Variants in PDSS1 observed in about 807,000 individuals in gnomAD.
The protein encoded by PDSS1 is all trans-polyprenyl-diphosphate synthase PDSS1.
Under a neutral mutation model 57.5 loss-of-function variants are expected in PDSS1, and 43 were observed. That is an observed-to-expected ratio of 0.75 (90% confidence interval 0.59 to 0.96). PDSS1 has a LOEUF of 0.96. Among genes scored for constraint, PDSS1 ranks in the 50% least tolerant of loss-of-function variants. The pLI is 0.00. For missense variants in PDSS1, 438 were observed against 527.8 expected, an observed-to-expected ratio of 0.83 and a Z score of 1.67; for synonymous variants, 175 against 191.3, an observed-to-expected ratio of 0.91 and a Z score of 0.70.
chr10:26,698,744 A>G (rs1834955572), intron 1 of PDSS1, among the ~76,000 whole-genome samples: 1 of 152,228 alleles, frequency 6.6e-6, no homozygotes, highest in African/African-American at 2.4e-5. Flanking sequence ...CCGTGTTCTC[A>G]TCAAACATCA....
chr10:26,745,301 T>G (rs1409201860), intron 11 of PDSS1, among the ~76,000 whole-genome samples: 3 of 152,228 alleles, frequency 2.0e-5, no homozygotes, highest in Non-Finnish European at 4.4e-5. Flanking sequence ...GTATTTGGCT[T>G]TTAGAAAGAA....
chr10:26,722,038 C>A (rs533926178), intron 6 of PDSS1, among the ~76,000 whole-genome samples: 4 of 152,182 alleles, frequency 2.6e-5, no homozygotes, highest in Non-Finnish European at 5.9e-5. Flanking sequence ...TTTCCTTTAA[C>A]TCCCACCCCT....
intron 8 of PDSS1, among the ~76,000 whole-genome samples, chr10:26,727,059 C>CAAAA (rs146269922): frequency 1.0e-3 from 68 of 66,122 alleles, no homozygotes; most frequent in African/African-American, 3.0e-3. Flanking sequence ...GAGAGTCTCT[C>CAAAA]AAAAAAAAAA....
At chr10:26,713,432 T>A (rs1835460250) in intron 5 of PDSS1, among the ~76,000 whole-genome samples, 1 of 152,200 alleles carries the variant, frequency 6.6e-6, no homozygotes, top group Non-Finnish European at 1.5e-5. Context: ...TATTTTCCTT[T>A]ATTAAGCTTT....
intron 4 of PDSS1, among the ~76,000 whole-genome samples, chr10:26,707,036 GT>G (rs936212137): frequency 4.6e-5 from 7 of 152,098 alleles, no homozygotes; most frequent in Non-Finnish European, 8.8e-5. Flanking sequence ...TGGAATTTGG[GT>G]TTTAGATGTT....
chr10:26,718,715 C>G (rs1411106679), intron 5 of PDSS1: 1 of 142,006 alleles, frequency 7.0e-6, no homozygotes, highest in Non-Finnish European at 1.5e-5. Context: ...GAGCCGAGAT[C>G]ACACCATTGC....
chr10:26,724,560 C>CT (rs1252733181), intron 8 of PDSS1, among the ~76,000 whole-genome samples: 1 of 151,774 alleles, frequency 6.6e-6, no homozygotes, highest in Non-Finnish European at 1.5e-5. Context: ...ATTCTATGAA[C>CT]TTTTTTTTGT....
chr10:26,723,848 G>T lies in PDSS1; in HGVS notation c.652G>T (p.Ala218Ser). ...GDLILSAASI[A>S]LARIGNTTVI... ...TTTAATTCTTTCTGCAGCATCTATA[G>T]CTCTGGCACGAATTGGAAATACAAC... The change falls in exon 7 of 12, where the codon GCT (alanine) becomes TCT (serine). Residue 218 changes from alanine to serine, a missense_variant. Around this residue, in one of 2 missense-constraint regions of PDSS1, gnomAD observed 284 missense variants for 390.7 expected, o/e 0.73. Coordinates refer to ENST00000376215, the MANE Select transcript of PDSS1 (RefSeq NM_014317.5). 1 of 1,613,662 alleles carries T rather than the reference G, an allele frequency of 6.2e-7. No homozygotes were observed. The highest frequency in any genetic ancestry group is 8.5e-7 in the Non-Finnish European group (1 of 1,179,608).
chr10:26,714,588 A>G (rs1485954610), intron 5 of PDSS1: 1 of 152,214 alleles, frequency 6.6e-6, no homozygotes, highest in Non-Finnish European at 1.5e-5. Flanking sequence ...AAACCTACCT[A>G]GCCTGCTCAG....
intron 11 of PDSS1, among the ~76,000 whole-genome samples, chr10:26,744,872 T>C (rs1247307075): frequency 3.9e-5 from 6 of 152,162 alleles, no homozygotes; most frequent in Non-Finnish European, 7.4e-5. Flanking sequence ...CATTTCTAAA[T>C]GTCAGAGGGG....
chr10:26,726,066 A>T (rs552041787), intron 8 of PDSS1, among the ~76,000 whole-genome samples: 1 of 152,226 alleles, frequency 6.6e-6, no homozygotes, highest in Non-Finnish European at 1.5e-5. Flanking sequence ...ACAGAAATTC[A>T]CTCAGTGATG....
At chr10:26,708,787 T>A (rs1166621990) in intron 4 of PDSS1, among the ~76,000 whole-genome samples, 2 of 151,864 alleles carry the variant, frequency 1.3e-5, no homozygotes, top group Non-Finnish European at 2.9e-5. Context: ...GCCACTGCCC[T>A]GAGGCCTGGG....
intron 8 of PDSS1, among the ~76,000 whole-genome samples, chr10:26,724,492 G>A (rs1835890513): frequency 6.6e-6 from 1 of 152,164 alleles, no homozygotes. Context: ...GAAATGAAGT[G>A]CTCTGTTCTT....
chr10:26,737,187 C>G (rs1836434200), intron 10 of PDSS1, among the ~76,000 whole-genome samples: 1 of 152,164 alleles, frequency 6.6e-6, no homozygotes, highest in Non-Finnish European at 1.5e-5. Flanking sequence ...TTGTAAAAAT[C>G]TTCAAATTGT....
Position 26,746,395 on chromosome 10 carries a change from G to GC in PDSS1, c.1170_1171insC (p.Ile391HisfsTer3). The GC allele has an allele frequency of 6.2e-7, 1 of 1,614,048 alleles. No individual in the cohort carries two copies. The highest frequency in any genetic ancestry group is 1.1e-5 in the South Asian group (1 of 91,084). Reference sequence around the variant, plus strand: ...AGTACTGCCATGAAGCAATAAGAGAGATCAGTAAACTTCGACCATCCCCAG... The same window carrying GC: ...AGTACTGCCATGAAGCAATAAGAGAGCATCAGTAAACTTCGACCATCCCCAG... On this transcript the variant is annotated frameshift_variant, in exon 12 of 12. Transcript: ENST00000376215. LOFTEE classifies it high-confidence loss of function.
At position 26,705,286 on chromosome 10, in the gene PDSS1, G is replaced by T; in HGVS notation, c.228G>T (p.Arg76=). ...TCATGTGCATTTTTGCATGTCCCAG[G>T]TTTCATCACACAACCCCAGACAGTA... is the stretch of plus-strand genomic sequence containing the variant. The part of the protein sequence containing the change: ...SACPNVCRIS[R]FHHTTPDSKT... Residue 76 remains arginine (R), a splice_region_variant and synonymous_variant, in exon 4 of 12, where the codon CGG becomes CGT. Transcript: ENST00000376215. The T allele has an allele frequency of 6.3e-7, 1 of 1,588,566 alleles. No homozygotes were observed. Among genetic ancestry groups the T allele is most frequent in the Non-Finnish European group, 8.6e-7 (1 of 1,157,184 alleles).
At chr10:26,744,083 A>G (rs1836719430) in intron 11 of PDSS1, among the ~76,000 whole-genome samples, 1 of 152,220 alleles carries the variant, frequency 6.6e-6, no homozygotes, top group Non-Finnish European at 1.5e-5. Flanking sequence ...AGTGTAAAAC[A>G]GAAAGGGGGA....
intron 6 of PDSS1, among the ~76,000 whole-genome samples, chr10:26,721,738 C>T (rs1250418721): frequency 6.6e-6 from 1 of 152,102 alleles, no homozygotes; most frequent in Admixed American, 6.5e-5. Flanking sequence ...GAGCCTTGGG[C>T]GGGGGAAGAG....
rs1451388278 is a variant in PDSS1 at position 26,721,789 on chromosome 10, CT to C, written c.609+1431del. ...TGATGGTCTCCGCCTTGGCTAGCCC[CT>C]GTGTGTCTGCCTCTGCCACTGGGGA... On this transcript the variant is annotated intron_variant, in intron 6 of 11. Transcript: ENST00000376215. Among the ~76,000 whole-genome samples, 10 of 152,320 alleles carry C rather than the reference CT, an allele frequency of 6.6e-5. No individual in the cohort carries two copies. The East Asian group carries it at 1.7e-3, about 26-fold the overall frequency.
Sources: allele counts gnomAD v4.1 joint callset (sites outside exome capture counted in the v4.1 genomes callset), GRCh38; gene constraint gnomAD v4.1.1; regional missense constraint gnomAD v4.1.1; transcripts MANE v1.5; gene names NCBI Gene and HGNC (gene_info 2026-07-23, HGNC 2026-07-21).